Variants in WDPCP observed in about 807,000 individuals in gnomAD.
WDPCP encodes the protein WD repeat containing planar cell polarity effector.
A neutral mutation model predicts 93.1 loss-of-function variants in WDPCP; 71 were observed. The ratio of observed to expected loss-of-function variants is 0.76; its 90% confidence interval spans 0.63 to 0.93. The LOEUF is 0.93. WDPCP is among the 40% of genes least tolerant of loss of function. WDPCP has a pLI of 0.00. For synonymous variants in WDPCP, 315 were observed against 315.0 expected (o/e 1.00, Z 0.00); for missense variants, 844 against 887.4 (o/e 0.95, Z 0.62).
At chr2:63,757,482 A>G (rs1415433205) in intron 2 of WDPCP, among the ~76,000 whole-genome samples, 1 of 152,084 alleles carries the variant, frequency 6.6e-6, no homozygotes, top group Non-Finnish European at 1.5e-5. Context: ...AAACTACCAT[A>G]CCTCACCCAG....
At chr2:63,205,793 T>A (rs954487200) in intron 14 of WDPCP, among the ~76,000 whole-genome samples, 2 of 152,208 alleles carry the variant, frequency 1.3e-5, no homozygotes, top group Non-Finnish European at 1.5e-5. Flanking sequence ...GACTTCTTCC[T>A]TTCCAATATG....
chr2:63,557,807 C>T (rs1231811450), intron 1 of WDPCP, among the ~76,000 whole-genome samples: 1 of 152,170 alleles, frequency 6.6e-6, no homozygotes, highest in Non-Finnish European at 1.5e-5. Context: ...TCTCAGACCA[C>T]AGTGCAATCA....
chr2:63,559,375 C>T (rs879031183), intron 1 of WDPCP, among the ~76,000 whole-genome samples: 2 of 152,118 alleles, frequency 1.3e-5, no homozygotes, highest in Non-Finnish European at 2.9e-5. Context: ...GACAAGGATG[C>T]CCTCTCTCAC....
At chr2:63,655,739 G>T (rs1203169107) in intron 2 of WDPCP, among the ~76,000 whole-genome samples, 2 of 152,122 alleles carry the variant, frequency 1.3e-5, no homozygotes, top group African/African-American at 4.8e-5. Context: ...CACAAAAGGT[G>T]TAATACTATA....
At chr2:63,597,135 T>C (rs1047271340) in intron 3 of WDPCP, 7 of 313,912 alleles carry the variant, frequency 2.2e-5, no homozygotes, top group Non-Finnish European at 3.2e-5. Context: ...TTGCATCATA[T>C]ATGATTATAA....
At chr2:63,241,493 TATTTACA>T (rs938982160) in intron 14 of WDPCP, among the ~76,000 whole-genome samples, 1 of 152,222 alleles carries the variant, frequency 6.6e-6, no homozygotes, top group Non-Finnish European at 1.5e-5. Flanking sequence ...AAGAATTTTG[TATTTACA>T]ATAAGATATT....
chr2:63,400,729 G>A (rs967877374), intron 10 of WDPCP, among the ~76,000 whole-genome samples: 1 of 152,144 alleles, frequency 6.6e-6, no homozygotes, highest in African/African-American at 2.4e-5. Flanking sequence ...CACACTACCT[G>A]ACTTCAAACT....
chr2:63,194,477 T>C (rs927212839), intron 14 of WDPCP, among the ~76,000 whole-genome samples: 2 of 152,140 alleles, frequency 1.3e-5, no homozygotes, highest in African/African-American at 4.8e-5. Flanking sequence ...CACATATATA[T>C]TGTTGACAGT....
intron 14 of WDPCP, among the ~76,000 whole-genome samples, chr2:63,216,656 A>G (rs1677369936): frequency 6.6e-6 from 1 of 152,070 alleles, no homozygotes; most frequent in Non-Finnish European, 1.5e-5. Context: ...CATGATACAT[A>G]TGTAACAAAT....
chr2:63,184,720 C>G (rs749591355), intron 14 of WDPCP, among the ~76,000 whole-genome samples: 12 of 152,096 alleles, frequency 7.9e-5, no homozygotes, highest in Non-Finnish European at 1.6e-4. Context: ...AGTGTGTTCT[C>G]CTAGTATTCA....
intron 13 of WDPCP, among the ~76,000 whole-genome samples, chr2:63,276,415 T>A (rs1219777308): frequency 1.3e-5 from 2 of 152,162 alleles, no homozygotes; most frequent in Admixed American, 6.5e-5. Context: ...GAAGGTTAAT[T>A]ATTAAGCTAA....
chr2:63,336,008 A>G (rs1281237231), intron 12 of WDPCP, among the ~76,000 whole-genome samples: 1 of 152,204 alleles, frequency 6.6e-6, no homozygotes, highest in Admixed American at 6.5e-5. Flanking sequence ...GTTACCCTAT[A>G]TGGTCTAAAA....
the WDPCP span, among the ~76,000 whole-genome samples, chr2:63,837,481 G>C: frequency 6.6e-6 from 1 of 152,068 alleles, no homozygotes; most frequent in Non-Finnish European, 1.5e-5. Flanking sequence ...AAACACTTTG[G>C]GCATGACACA....
chr2:63,710,828 TA>T (rs925010871), intron 2 of WDPCP, among the ~76,000 whole-genome samples: 2 of 152,184 alleles, frequency 1.3e-5, no homozygotes, highest in African/African-American at 4.8e-5. Context: ...GGAAATAAAC[TA>T]AAACTATGGA....
intron 14 of WDPCP, among the ~76,000 whole-genome samples, chr2:63,253,582 G>A (rs927984735): frequency 1.3e-5 from 2 of 152,092 alleles, no homozygotes; most frequent in African/African-American, 4.8e-5. Flanking sequence ...GCATGAAAAT[G>A]ACATGAACAA....
chr2:63,271,580 C>T (rs1345144727), intron 13 of WDPCP, among the ~76,000 whole-genome samples: 3 of 152,204 alleles, frequency 2.0e-5, no homozygotes, highest in African/African-American at 7.2e-5. Flanking sequence ...TGCCTACATG[C>T]ACCATTGTGG....
chr2:63,392,051 G>T (rs1693299095), intron 10 of WDPCP, among the ~76,000 whole-genome samples: 1 of 152,062 alleles, frequency 6.6e-6, no homozygotes, highest in African/African-American at 2.4e-5. Context: ...AGTTCATATG[G>T]AACCAAAAAA....
intron 2 of WDPCP, among the ~76,000 whole-genome samples, chr2:63,713,782 A>G (rs147108250): frequency 1.3e-5 from 2 of 152,178 alleles, no homozygotes; most frequent in Non-Finnish European, 2.9e-5. Context: ...CTTCATTTAA[A>G]CCAATTCTCA....
intron 13 of WDPCP, among the ~76,000 whole-genome samples, chr2:63,297,423 C>T (rs1684955361): frequency 6.6e-6 from 1 of 152,142 alleles, no homozygotes; most frequent in South Asian, 2.1e-4. Context: ...TAAGTTATTG[C>T]TGTCAGGTGC....
Sources: gnomAD v4.1 joint callset for allele counts (sites outside exome capture counted in the v4.1 genomes callset) on GRCh38, gnomAD v4.1.1 for gene constraint, MANE v1.5 for transcripts, NCBI Gene and HGNC (gene_info 2026-07-23, HGNC 2026-07-21) for gene names.